The following UNC5C variants were observed in gnomAD, a reference collection of about 807,000 sequenced individuals.
The protein encoded by UNC5C is netrin receptor UNC5C.
UNC5C carries 47 observed loss-of-function variants against 99.8 expected under a neutral mutation model. That is an observed-to-expected ratio of 0.47 (90% CI 0.37 to 0.60). The LOEUF (loss-of-function observed/expected upper bound fraction) is 0.60, where lower values mean the gene tolerates loss of function less well. UNC5C is among the 20% of genes least tolerant of loss of function. The probability of loss-of-function intolerance (pLI) is 0.00; values close to 1 mark genes in which losing one functional copy is unlikely to be tolerated. For synonymous variants in UNC5C, 487 were observed against 452.2 expected (o/e 1.08, Z -0.98); for missense variants, 1,062 against 1,165.9 (o/e 0.91, Z 1.30).
chr4:95,176,706 C>T (rs1736365813), intron 14 of UNC5C, among the ~76,000 whole-genome samples: 1 of 152,238 alleles, frequency 6.6e-6, no homozygotes, highest in Non-Finnish European at 1.5e-5. Flanking sequence ...TTTGTCTGTG[C>T]CCTGCCCCCA....
chr4:95,472,293 C>T lies in UNC5C; in HGVS notation c.124+76441G>A, dbSNP rs182272859. ...GAAGCCTTTCATTTCACATTTCCAT[C>T]ATGAGTTTTAAATTAAAGTGTCCAA... is the stretch of plus-strand genomic sequence containing the variant. On this transcript the variant is annotated intron_variant, in intron 1 of 15. Transcript: ENST00000453304. Among the ~76,000 whole-genome samples the T allele has an allele frequency of 3.0e-3, 451 of 152,192 alleles. 1 individual carries two copies. Among genetic ancestry groups the T allele is most frequent in the Admixed American group, 6.7e-3 (102 of 15,280 alleles).
intron 1 of UNC5C, among the ~76,000 whole-genome samples, chr4:95,403,454 G>C (rs1745753774): frequency 6.6e-6 from 1 of 152,156 alleles, no homozygotes; most frequent in Non-Finnish European, 1.5e-5. Context: ...GGAGGCCACT[G>C]AAAGTTTCAT....
chr4:95,230,990 G>A (rs1051983723), intron 7 of UNC5C, among the ~76,000 whole-genome samples: 16 of 152,178 alleles, frequency 1.1e-4, no homozygotes, highest in African/African-American at 3.6e-4. Flanking sequence ...GGTCATGTCT[G>A]ACACAGTAGA....
At chr4:95,303,020 G>A (rs1741931980) in intron 2 of UNC5C, among the ~76,000 whole-genome samples, 1 of 152,150 alleles carries the variant, frequency 6.6e-6, no homozygotes, top group African/African-American at 2.4e-5. Flanking sequence ...TCAATCATAT[G>A]GTGAGCAGGA....
intron 4 of UNC5C, among the ~76,000 whole-genome samples, chr4:95,265,816 G>A (rs1052339233): frequency 6.6e-6 from 1 of 152,128 alleles, no homozygotes; most frequent in African/African-American, 2.4e-5. Flanking sequence ...CCTTGCGCAG[G>A]CTATAAGCTC....
At chr4:95,496,876 A>C (rs1433198540) in intron 1 of UNC5C, among the ~76,000 whole-genome samples, 1 of 151,728 alleles carries the variant, frequency 6.6e-6, no homozygotes, top group Non-Finnish European at 1.5e-5. Context: ...CCTGAAGTCC[A>C]TGCCTTTGCA....
At chr4:95,384,777 T>C (rs1745165100) in intron 1 of UNC5C, among the ~76,000 whole-genome samples, 1 of 152,102 alleles carries the variant, frequency 6.6e-6, no homozygotes, top group Non-Finnish European at 1.5e-5. Flanking sequence ...ATTGCAAAGC[T>C]GGTGAGAGAC....
intron 10 of UNC5C, among the ~76,000 whole-genome samples, chr4:95,212,127 C>T (rs1293832259): frequency 6.6e-6 from 1 of 152,124 alleles, no homozygotes. Flanking sequence ...CCTTTATCCT[C>T]ACACATTGCT....
At chr4:95,409,126 G>A (rs1329409321) in intron 1 of UNC5C, among the ~76,000 whole-genome samples, 2 of 152,114 alleles carry the variant, frequency 1.3e-5, no homozygotes, top group African/African-American at 2.4e-5. Context: ...AGTTCAAAAC[G>A]CTTTGCAAGA....
intron 1 of UNC5C, among the ~76,000 whole-genome samples, chr4:95,345,029 C>CTT (rs61074276): frequency 2.6e-5 from 4 of 150,952 alleles, no homozygotes; most frequent in Admixed American, 2.6e-4. Context: ...ATTGATTAAA[C>CTT]CAATCAAAAG....
chr4:95,358,657 C>T (rs757723444), intron 1 of UNC5C, among the ~76,000 whole-genome samples: 1 of 152,172 alleles, frequency 6.6e-6, no homozygotes, highest in Non-Finnish European at 1.5e-5. Context: ...AGGCTTCTGG[C>T]CTTTTCTCCC....
At chr4:95,422,520 T>C (rs1307568180) in intron 1 of UNC5C, among the ~76,000 whole-genome samples, 4 of 151,810 alleles carry the variant, frequency 2.6e-5, no homozygotes, top group African/African-American at 9.7e-5. Flanking sequence ...CCACCTCCCA[T>C]ACCCGCCACT....
intron 3 of UNC5C, among the ~76,000 whole-genome samples, chr4:95,300,024 C>A (rs1459334147): frequency 6.6e-6 from 1 of 152,140 alleles, no homozygotes; most frequent in Non-Finnish European, 1.5e-5. Context: ...AAGTATAGAA[C>A]TGGGGAATGC....
chr4:95,184,099 CAAAG>C (rs1227183775), intron 13 of UNC5C, among the ~76,000 whole-genome samples: 1 of 152,068 alleles, frequency 6.6e-6, no homozygotes, highest in Non-Finnish European at 1.5e-5. Flanking sequence ...AAGAAGAAAG[CAAAG>C]AAAGAGGTAT....
chr4:95,517,152 C>T (rs1361381732), intron 1 of UNC5C, among the ~76,000 whole-genome samples: 1 of 152,058 alleles, frequency 6.6e-6, no homozygotes, highest in Admixed American at 6.6e-5. Flanking sequence ...ATACAAACAA[C>T]GATTAATGAT....
At chr4:95,226,557 G>A (rs760750127) in intron 7 of UNC5C, among the ~76,000 whole-genome samples, 4 of 152,130 alleles carry the variant, frequency 2.6e-5, no homozygotes, top group Admixed American at 6.5e-5. Context: ...TAGGAAACTC[G>A]TTTGAATTTG....
chr4:95,261,083 A>T (rs1740206337), intron 4 of UNC5C, among the ~76,000 whole-genome samples: 1 of 152,168 alleles, frequency 6.6e-6, no homozygotes, highest in African/African-American at 2.4e-5. Context: ...AAGAACCAGG[A>T]GGAGCCAACT....
At chr4:95,488,673 C>T (rs1721394517) in intron 1 of UNC5C, among the ~76,000 whole-genome samples, 1 of 151,712 alleles carries the variant, frequency 6.6e-6, no homozygotes, top group African/African-American at 2.4e-5. Flanking sequence ...GCACATGCCC[C>T]TTAGTGGTTA....
intron 3 of UNC5C, among the ~76,000 whole-genome samples, chr4:95,292,578 G>T (rs6831900): frequency 6.6e-6 from 1 of 151,982 alleles, no homozygotes; most frequent in Non-Finnish European, 1.5e-5. Context: ...AAGGGGGTGA[G>T]GGGGTACAGA....
Sources: gnomAD v4.1 joint callset for allele counts (sites outside exome capture counted in the v4.1 genomes callset) on GRCh38, gnomAD v4.1.1 for gene constraint, MANE v1.5 for transcripts, NCBI Gene and HGNC (gene_info 2026-07-23, HGNC 2026-07-21) for gene names.